ARHGEF28: variants seen among roughly 807,000 people sequenced by gnomAD.
ARHGEF28 encodes the protein 190 kDa guanine nucleotide exchange factor.
A neutral mutation model predicts 206.6 loss-of-function variants in ARHGEF28; 152 were observed. That is an observed-to-expected ratio of 0.74 (90% CI 0.64 to 0.84). The LOEUF (loss-of-function observed/expected upper bound fraction) is 0.84, where lower values mean the gene tolerates loss of function less well. Among genes scored for constraint, ARHGEF28 ranks in the 40% least tolerant of loss-of-function variants. ARHGEF28 has a pLI of 0.00. For synonymous variants in ARHGEF28, 763 were observed against 776.4 expected, an observed-to-expected ratio of 0.98 and a Z score of 0.29; for missense variants, 2,028 against 2,073.2, an observed-to-expected ratio of 0.98 and a Z score of 0.42.
chr5:73,858,068 G>A lies in ARHGEF28; in HGVS notation c.1915-19G>A, dbSNP rs565417281. On this transcript the variant is annotated intron_variant, in intron 15 of 35. Coordinates refer to ENST00000513042, the MANE Select transcript of ARHGEF28 (RefSeq NM_001177693.2). Reference sequence around the variant, plus strand: ...TCTCATTTTTCCCCACTTTCCTACTGCTGCTGCTGCATCTGAAGACAAAAA... The same window carrying A: ...TCTCATTTTTCCCCACTTTCCTACTACTGCTGCTGCATCTGAAGACAAAAA... 7.0e-6 allele frequency: 11 copies of A among 1,581,224 alleles called. No individual in the cohort carries two copies. The South Asian group carries it at 1.2e-4, about 17-fold the overall frequency.
intron 6 of ARHGEF28, 155 bp from the exon 7 acceptor site, chr5:73,780,521 G>A (rs760607563): frequency 2.0e-4 from 144 of 702,518 alleles, no homozygotes; most frequent in Non-Finnish European, 3.3e-4. Context: ...TGGGGTGCTG[G>A]CTATATGTTC....
intron 9 of ARHGEF28, among the ~76,000 whole-genome samples, chr5:73,796,940 G>C (rs977120826): frequency 9.2e-5 from 14 of 152,140 alleles, no homozygotes; most frequent in African/African-American, 3.4e-4. Context: ...ATGAATTGCT[G>C]GGGGAGGGAG....
chr5:73,637,096 ATTATT>A (rs1743765847), intron 1 of ARHGEF28, among the ~76,000 whole-genome samples: 1 of 152,210 alleles, frequency 6.6e-6, no homozygotes, highest in Admixed American at 6.5e-5. Flanking sequence ...TAATCAAGTA[ATTATT>A]TTTAATTGAA....
intron 9 of ARHGEF28, among the ~76,000 whole-genome samples, chr5:73,816,654 A>G (rs992539791): frequency 6.6e-6 from 1 of 152,232 alleles, no homozygotes; most frequent in African/African-American, 2.4e-5. Context: ...CTAATACCAT[A>G]TTTCAATTCA....
intron 1 of ARHGEF28, among the ~76,000 whole-genome samples, chr5:73,643,957 C>G (rs1744278611): frequency 6.6e-6 from 1 of 152,136 alleles, no homozygotes; most frequent in Non-Finnish European, 1.5e-5. Context: ...ATCAGATGCA[C>G]TAGGTGTGCC....
At chr5:73,716,736 G>C (rs1749613370) in intron 2 of ARHGEF28, among the ~76,000 whole-genome samples, 1 of 152,208 alleles carries the variant, frequency 6.6e-6, no homozygotes, top group African/African-American at 2.4e-5. Context: ...AGTGCTCAAT[G>C]ATGAAGGCAA....
intron 9 of ARHGEF28, among the ~76,000 whole-genome samples, chr5:73,810,073 G>T (rs561653176): frequency 2.0e-5 from 3 of 152,302 alleles, no homozygotes; most frequent in Admixed American, 6.5e-5. Flanking sequence ...ACATTCAGAA[G>T]AAACGTGTTG....
At chr5:73,802,996 T>C (rs976854578) in intron 9 of ARHGEF28, among the ~76,000 whole-genome samples, 4 of 151,012 alleles carry the variant, frequency 2.6e-5, no homozygotes, top group Admixed American at 1.3e-4. Flanking sequence ...AAGATTCTGG[T>C]TAGCTTTTAT....
intron 29 of ARHGEF28, among the ~76,000 whole-genome samples, chr5:73,895,383 G>T (rs762617788): frequency 6.6e-6 from 1 of 152,104 alleles, no homozygotes; most frequent in Admixed American, 6.6e-5. Flanking sequence ...CTAGTGGGAG[G>T]GGGAGAACTT....
intron 16 of ARHGEF28, among the ~76,000 whole-genome samples, chr5:73,860,525 G>T (rs1236414478): frequency 2.6e-5 from 4 of 152,010 alleles, no homozygotes; most frequent in Non-Finnish European, 1.5e-5. Context: ...CTTCAACCCT[G>T]GCTGCTTTAA....
At chr5:73,918,162 G>A (rs1191608786) in intron 35 of ARHGEF28, among the ~76,000 whole-genome samples, 1 of 152,190 alleles carries the variant, frequency 6.6e-6, no homozygotes, top group East Asian at 1.9e-4. Context: ...GTGACCATCT[G>A]TCTTAGGGGG....
chr5:73,677,715 C>T (rs914786898), intron 1 of ARHGEF28, among the ~76,000 whole-genome samples: 1 of 152,202 alleles, frequency 6.6e-6, no homozygotes, highest in Non-Finnish European at 1.5e-5. Context: ...ATAAGAGCTT[C>T]CCCCATTTGG....
intron 14 of ARHGEF28, among the ~76,000 whole-genome samples, chr5:73,854,730 G>A (rs1758909008): frequency 6.6e-6 from 1 of 152,002 alleles, no homozygotes; most frequent in Non-Finnish European, 1.5e-5. Context: ...TACTCAGGAG[G>A]CTGAGGCAGA....
intron 1 of ARHGEF28, among the ~76,000 whole-genome samples, chr5:73,652,391 G>A (rs990480100): frequency 1.3e-5 from 2 of 152,180 alleles, no homozygotes. Context: ...TAGAGAGAGA[G>A]GGTCTGTGGG....
chr5:73,718,855 C>T (rs1047044068), intron 2 of ARHGEF28, among the ~76,000 whole-genome samples: 3 of 152,330 alleles, frequency 2.0e-5, no homozygotes, highest in East Asian at 1.9e-4. Context: ...CCACACCGCA[C>T]TAGAACTGAA....
At chr5:73,887,561 G>A in intron 25 of ARHGEF28, 42 bp from the exon 26 acceptor site, 1 of 1,408,412 alleles carries the variant, frequency 7.1e-7, no homozygotes. Context: ...TATTTGAACT[G>A]TGGTTTGCTT....
intron 1 of ARHGEF28, among the ~76,000 whole-genome samples, chr5:73,643,538 G>C (rs553000140): frequency 6.6e-6 from 1 of 151,990 alleles, no homozygotes; most frequent in Admixed American, 6.6e-5. Context: ...ATTTGGGCTG[G>C]GCATGGTGGC....
intron 2 of ARHGEF28, among the ~76,000 whole-genome samples, chr5:73,739,944 G>T (rs1031477667): frequency 1.3e-5 from 2 of 150,626 alleles, no homozygotes; most frequent in East Asian, 1.9e-4. Flanking sequence ...GAGGTGGGGG[G>T]GTCATTTGAG....
At chr5:73,758,298 G>A (rs1410743284) in intron 4 of ARHGEF28, among the ~76,000 whole-genome samples, 1 of 152,038 alleles carries the variant, frequency 6.6e-6, no homozygotes, top group East Asian at 1.9e-4. Flanking sequence ...AAAACAAAGA[G>A]GTCATATAAA....
Sources: gnomAD v4.1 joint callset for allele counts (sites outside exome capture counted in the v4.1 genomes callset) on GRCh38, gnomAD v4.1.1 for gene constraint, MANE v1.5 for transcripts, NCBI Gene and HGNC (gene_info 2026-07-23, HGNC 2026-07-21) for gene names.